The following HS6ST3 variants were observed in gnomAD, a reference collection of about 807,000 sequenced individuals.
HS6ST3 encodes the protein heparan-sulfate 6-O-sulfotransferase 3.
HS6ST3 carries 12 observed loss-of-function variants against 36.7 expected under a neutral mutation model. That is an observed-to-expected ratio of 0.33 (90% CI 0.21 to 0.53). The LOEUF (loss-of-function observed/expected upper bound fraction) is 0.53. Ranked by LOEUF, HS6ST3 falls within the 20% of genes least tolerant of loss-of-function variation. HS6ST3 has a pLI of 0.95. For missense variants in HS6ST3, 584 were observed against 640.9 expected, an observed-to-expected ratio of 0.91 and a Z score of 0.96; for synonymous variants, 240 against 257.5, an observed-to-expected ratio of 0.93 and a Z score of 0.65.
At chr13:96,399,708 T>C (rs1404949907) in intron 1 of HS6ST3, among the ~76,000 whole-genome samples, 2 of 152,266 alleles carry the variant, frequency 1.3e-5, no homozygotes, top group East Asian at 1.9e-4. Flanking sequence ...GGGTCTCCCA[T>C]GTACACTGGC....
chr13:96,624,977 A>G (rs1286882646), intron 1 of HS6ST3, among the ~76,000 whole-genome samples: 1 of 152,192 alleles, frequency 6.6e-6, no homozygotes, highest in Non-Finnish European at 1.5e-5. Context: ...AGAATTCAAG[A>G]GCAAGCAGGC....
intron 1 of HS6ST3, among the ~76,000 whole-genome samples, chr13:96,589,701 G>T (rs148106649): frequency 2.4e-3 from 364 of 151,868 alleles, no homozygotes; most frequent in African/African-American, 8.3e-3. Flanking sequence ...TCTGTATTTT[G>T]TATTTCTGTA....
chr13:96,123,331 A>G (rs1032224254), intron 1 of HS6ST3, among the ~76,000 whole-genome samples: 3 of 152,252 alleles, frequency 2.0e-5, no homozygotes, highest in African/African-American at 4.8e-5. Flanking sequence ...GAGGAAATAC[A>G]TATTATTCAA....
At chr13:96,544,837 C>G (rs991501875) in intron 1 of HS6ST3, among the ~76,000 whole-genome samples, 1 of 152,102 alleles carries the variant, frequency 6.6e-6, no homozygotes, top group African/African-American at 2.4e-5. Flanking sequence ...CAGGAAGTGA[C>G]TTGGGCACTG....
At chr13:96,530,277 AGGG>A (rs2056130521) in intron 1 of HS6ST3, among the ~76,000 whole-genome samples, 1 of 152,180 alleles carries the variant, frequency 6.6e-6, no homozygotes, top group Non-Finnish European at 1.5e-5. Flanking sequence ...TAAGATTCCT[AGGG>A]ATTAATGGAA....
chr13:96,823,983 T>A (rs1878597657), intron 1 of HS6ST3, among the ~76,000 whole-genome samples: 1 of 152,214 alleles, frequency 6.6e-6, no homozygotes, highest in South Asian at 2.1e-4. Flanking sequence ...TTATTGCGTA[T>A]CCAAGTGGGG....
chr13:96,424,125 ATATT>A (rs2055574876), intron 1 of HS6ST3, among the ~76,000 whole-genome samples: 1 of 152,218 alleles, frequency 6.6e-6, no homozygotes, highest in African/African-American at 2.4e-5. Context: ...TACAATGACC[ATATT>A]TATTAGAGAT....
At chr13:96,253,480 A>C (rs2054617230) in intron 1 of HS6ST3, among the ~76,000 whole-genome samples, 1 of 150,488 alleles carries the variant, frequency 6.6e-6, no homozygotes. Context: ...CCATATATCC[A>C]CTCCCGATTT....
intron 1 of HS6ST3, among the ~76,000 whole-genome samples, chr13:96,473,460 G>A (rs1463098908): frequency 2.0e-5 from 3 of 152,192 alleles, no homozygotes; most frequent in African/African-American, 4.8e-5. Context: ...TGCATGTGCT[G>A]TTTAAAAATA....
At chr13:96,383,682 G>A (rs1479241767) in intron 1 of HS6ST3, among the ~76,000 whole-genome samples, 1 of 151,702 alleles carries the variant, frequency 6.6e-6, no homozygotes, top group Non-Finnish European at 1.5e-5. Context: ...CTCAAATCCT[G>A]GGGGCCAAAC....
At chr13:96,137,283 C>T (rs627074) in intron 1 of HS6ST3, among the ~76,000 whole-genome samples, 127,717 of 151,766 alleles carry the variant, frequency 0.84, 53,932 homozygotes, top group East Asian at 0.91. Flanking sequence ...CTGACTTTCT[C>T]CACCCAGCAT....
rs575670516 is a variant in HS6ST3 at position 96,557,512 on chromosome 13, A to G, written c.708-274978A>G. ...CTTTCAATGAAAGGACAGTCCTCAC[A>G]TGCCCAAGGTTTGGACTGGATTGCT... On this transcript the variant is annotated intron_variant, in intron 1 of 1. Coordinates refer to ENST00000376705, the MANE Select transcript of HS6ST3 (RefSeq NM_153456.4). Among the ~76,000 whole-genome samples, 3 of 152,320 alleles carry G rather than the reference A, an allele frequency of 2.0e-5. 1 individual carries two copies. Among genetic ancestry groups the G allele is most frequent in the African/African-American group, 7.2e-5 (3 of 41,572 alleles).
intron 1 of HS6ST3, among the ~76,000 whole-genome samples, chr13:96,119,883 A>G (rs956133442): frequency 1.3e-5 from 2 of 151,858 alleles, no homozygotes; most frequent in African/African-American, 4.8e-5. Context: ...TAGGAAAAAA[A>G]AAAAAAGGAA....
intron 1 of HS6ST3, among the ~76,000 whole-genome samples, chr13:96,588,352 A>G (rs2056369757): frequency 6.6e-6 from 1 of 152,122 alleles, no homozygotes; most frequent in South Asian, 2.1e-4. Flanking sequence ...ATTGAGTATA[A>G]TGTTAGCTTT....
In HS6ST3 at chr13:96,732,902, T is replaced by A. The variant is rs547400395; in HGVS notation, c.708-99588T>A. Among the ~76,000 whole-genome samples the A allele has an allele frequency of 2.6e-5, 4 of 152,372 alleles. No individual in the cohort carries two copies. In the South Asian group the frequency reaches 8.3e-4, roughly 32 times the overall value. On this transcript the variant is annotated intron_variant, in intron 1 of 1. Coordinates refer to ENST00000376705, the MANE Select transcript of HS6ST3 (RefSeq NM_153456.4). ...TCCGAAGTATTTTTTGTAACTATTG[T>A]AAATGGGCTTGTTTTCTTCATTTCT...
intron 1 of HS6ST3, among the ~76,000 whole-genome samples, chr13:96,469,846 A>T (rs1020232375): frequency 7.9e-5 from 12 of 152,166 alleles, no homozygotes; most frequent in African/African-American, 2.9e-4. Flanking sequence ...GGTCTGGGAA[A>T]CGTGACTGGT....
At chr13:96,567,486 T>G (rs1199554861) in intron 1 of HS6ST3, among the ~76,000 whole-genome samples, 1 of 152,186 alleles carries the variant, frequency 6.6e-6, no homozygotes, top group Non-Finnish European at 1.5e-5. Context: ...GCTAAAAATT[T>G]TATATGCATC....
intron 1 of HS6ST3, among the ~76,000 whole-genome samples, chr13:96,514,199 C>T (rs146701136): frequency 1.3e-5 from 2 of 152,174 alleles, no homozygotes; most frequent in East Asian, 3.9e-4. Flanking sequence ...ATTGTCATAA[C>T]CCTGAGATTC....
intron 1 of HS6ST3, among the ~76,000 whole-genome samples, chr13:96,409,330 A>G (rs2055495902): frequency 6.6e-6 from 1 of 152,258 alleles, no homozygotes. Context: ...TGGTTGAATA[A>G]AAATATTTCT....
Sources: gnomAD v4.1 joint callset for allele counts (sites outside exome capture counted in the v4.1 genomes callset) on GRCh38, gnomAD v4.1.1 for gene constraint, MANE v1.5 for transcripts, NCBI Gene and HGNC (gene_info 2026-07-23, HGNC 2026-07-21) for gene names.